Variants in TRIM37 observed in about 807,000 individuals in gnomAD.
The protein encoded by TRIM37 is tripartite motif containing 37, also known as E3 ubiquitin-protein ligase TRIM37.
Under a neutral mutation model 129.8 loss-of-function variants are expected in TRIM37, and 80 were observed. The observed-to-expected ratio is 0.62, with a 90% CI of 0.51 to 0.74. TRIM37 has a LOEUF of 0.74. Ranked by LOEUF, TRIM37 falls within the 30% of genes least tolerant of loss-of-function variation. The probability of loss-of-function intolerance (pLI) is 0.00; values close to 1 mark genes in which losing one functional copy is unlikely to be tolerated. For missense variants in TRIM37, 1,054 were observed against 1,176.5 expected (o/e 0.90, Z 1.52); for synonymous variants, 389 against 387.1 (o/e 1.00, Z -0.06).
chr17:59,071,961 G>C (rs554538615), intron 8 of TRIM37, among the ~76,000 whole-genome samples: 65 of 152,290 alleles, frequency 4.3e-4, no homozygotes, highest in Middle Eastern at 3.4e-3. Context: ...TCTGTTATGT[G>C]CTGAATTTTG....
chr17:58,999,264 T>A lies in TRIM37; in HGVS notation c.*113A>T. On this transcript the variant is annotated 3_prime_UTR_variant, in exon 24 of 24. Coordinates refer to ENST00000262294, the MANE Select transcript of TRIM37 (RefSeq NM_015294.6). ...TCCAAATTACTATTTCAGGTCGAGA[T>A]AATGAAGAAATAAGACCAAATCTGA... is the stretch of plus-strand genomic sequence containing the variant. 6.2e-7 allele frequency: 1 copy of A among 1,603,708 alleles called. No individual in the cohort carries two copies. Among genetic ancestry groups the A allele is most frequent in the Non-Finnish European group, 8.5e-7 (1 of 1,175,700 alleles).
At chr17:59,007,375 T>C (rs2034678958) in intron 22 of TRIM37, among the ~76,000 whole-genome samples, 1 of 152,080 alleles carries the variant, frequency 6.6e-6, no homozygotes, top group Non-Finnish European at 1.5e-5. Flanking sequence ...TCAGTTAATT[T>C]TTCGATGAAT....
chr17:59,047,905 AAAG>A, intron 15 of TRIM37, 86 bp from the exon 16 acceptor site: 1 of 1,510,694 alleles, frequency 6.6e-7, no homozygotes, highest in Non-Finnish European at 9.1e-7. Context: ...ACCAAGCACC[AAAG>A]AATAATACAG....
At chr17:58,981,230 C>G, downstream of TRIM37, 1 of 528,356 alleles carries the variant, frequency 1.9e-6, no homozygotes, top group Non-Finnish European at 3.3e-6. Context: ...GTTTCACTTG[C>G]AAAATTACAC....
At chr17:58,980,255 A>G (rs752040040), downstream of TRIM37, 5 of 1,614,120 alleles carry the variant, frequency 3.1e-6, no homozygotes, top group Admixed American at 5.0e-5. This position sits in a 1 kb window ranked among gnomAD's most constrained non-coding sequence, Gnocchi z 4.7. Flanking sequence ...TGTAAATGTT[A>G]GTGAGGAATC....
At chr17:59,071,217 A>G (rs2146774273) in intron 8 of TRIM37, among the ~76,000 whole-genome samples, 1 of 151,884 alleles carries the variant, frequency 6.6e-6, no homozygotes, top group African/African-American at 2.4e-5. Flanking sequence ...AAGTACAAAT[A>G]TACTTTCAGG....
chr17:59,000,103 A>G (rs1002662220), intron 23 of TRIM37, among the ~76,000 whole-genome samples: 2 of 152,218 alleles, frequency 1.3e-5, no homozygotes, highest in Admixed American at 6.5e-5. Flanking sequence ...CCTCTGGGTA[A>G]CTTTAAATGT....
chr17:59,052,957 AAAATCAAATC>A (rs60696585), intron 13 of TRIM37, among the ~76,000 whole-genome samples: 236 of 142,430 alleles, frequency 1.7e-3, no homozygotes, highest in African/African-American at 4.2e-3. Context: ...TCTGTCTCAA[AAAATCAAATC>A]AAATCAAATC....
chr17:59,041,417 A>AT (rs1334279618), intron 17 of TRIM37, among the ~76,000 whole-genome samples: 3 of 152,218 alleles, frequency 2.0e-5, no homozygotes, highest in African/African-American at 7.2e-5. Flanking sequence ...AGATATACAA[A>AT]TAAGACTTTA....
chr17:59,091,433 AT>A, intron 2 of TRIM37, 93 bp from the exon 3 acceptor site: 1 of 241,562 alleles, frequency 4.1e-6, no homozygotes, highest in Non-Finnish European at 7.7e-6. Flanking sequence ...AATATATATA[AT>A]ATTCTTAATA....
chr17:58,993,176 C>T (rs149021860), intron 24 of TRIM37, among the ~76,000 whole-genome samples: 1 of 152,136 alleles, frequency 6.6e-6, no homozygotes, highest in African/African-American at 2.4e-5. Flanking sequence ...ATGAGATGTG[C>T]CTTTTACCTT....
chr17:59,018,720 G>A (rs1443312431), intron 19 of TRIM37, among the ~76,000 whole-genome samples: 1 of 150,132 alleles, frequency 6.7e-6, no homozygotes, highest in Non-Finnish European at 1.5e-5. Flanking sequence ...AATAGTAGCT[G>A]TGTTTTTTTT....
chr17:58,968,205 G>T, the TRIM37 span, among the ~76,000 whole-genome samples: 1 of 152,064 alleles, frequency 6.6e-6, no homozygotes, highest in African/African-American at 2.4e-5. Flanking sequence ...ATAACATTTT[G>T]GTTATTATTC....
chr17:58,968,003 C>A, the TRIM37 span, among the ~76,000 whole-genome samples: 1 of 152,078 alleles, frequency 6.6e-6, no homozygotes, highest in South Asian at 2.1e-4. Flanking sequence ...AGGGTTTCAC[C>A]ATGTTGGCCA....
chr17:59,032,201 T>C (rs1011858516), intron 17 of TRIM37, 111 bp from the exon 18 acceptor site: 2 of 1,182,670 alleles, frequency 1.7e-6, no homozygotes, highest in African/African-American at 1.5e-5. Flanking sequence ...ACCTATCTCT[T>C]AGGAGTTCAG....
chr17:59,012,851 GGGC>G (rs1390204557), intron 21 of TRIM37, among the ~76,000 whole-genome samples: 1 of 151,482 alleles, frequency 6.6e-6, no homozygotes, highest in African/African-American at 2.4e-5. Context: ...ACTCCAGCCT[GGGC>G]AACAGAGTGA....
intron 12 of TRIM37, among the ~76,000 whole-genome samples, chr17:59,058,510 T>C (rs2041180784): frequency 6.6e-6 from 1 of 151,712 alleles, no homozygotes; most frequent in Non-Finnish European, 1.5e-5. Flanking sequence ...TAACAAACCT[T>C]CATACGTAAC....
In TRIM37 at chr17:58,998,720, G is replaced by A; in HGVS notation, c.*657C>T. The A allele has an allele frequency of 2.0e-6, 2 of 985,644 alleles. No homozygotes were observed. Among genetic ancestry groups the A allele is most frequent in the South Asian group, 4.7e-5 (1 of 21,294 alleles). 61.1% of individuals were successfully genotyped at this position (985,644 alleles called of 1,614,324 possible). On this transcript the variant is annotated 3_prime_UTR_variant, in exon 24 of 24. Transcript: ENST00000262294. ...AGGGCCAGGAACGTAATGAATCCAT[G>A]TTAACTTAATTTCATTTAAAATTAC...
At chr17:59,018,320 T>G (rs2036192688) in intron 19 of TRIM37, among the ~76,000 whole-genome samples, 1 of 151,994 alleles carries the variant, frequency 6.6e-6, no homozygotes, top group Non-Finnish European at 1.5e-5. Context: ...AAATCTCTTT[T>G]AAAAATACAT....
Sources: allele counts gnomAD v4.1 joint callset (sites outside exome capture counted in the v4.1 genomes callset), GRCh38; gene constraint gnomAD v4.1.1; non-coding constraint Gnocchi (gnomAD v3.1); transcripts MANE v1.5; gene names NCBI Gene and HGNC (gene_info 2026-07-23, HGNC 2026-07-21).